Variants in ATP10B observed in about 807,000 individuals in gnomAD.
ATP10B encodes ATPase phospholipid transporting 10B (putative).
ATP10B carries 122 observed loss-of-function variants against 141.2 expected under a neutral mutation model. The observed-to-expected ratio is 0.86, with a 90% confidence interval of 0.75 to 1.00. ATP10B has a LOEUF of 1.00. Among genes scored for constraint, ATP10B ranks in the 50% least tolerant of loss-of-function variants. The pLI is 0.00. For synonymous variants in ATP10B, 685 were observed against 692.0 expected, an observed-to-expected ratio of 0.99 and a Z score of 0.16; for missense variants, 1,876 against 1,825.3, an observed-to-expected ratio of 1.03 and a Z score of -0.51.
intron 7 of ATP10B, among the ~76,000 whole-genome samples, chr5:160,656,419 G>A (rs1370748282): frequency 1.3e-5 from 2 of 152,160 alleles, no homozygotes; most frequent in Non-Finnish European, 2.9e-5. Context: ...CTGCTACCAA[G>A]CTGTTTCTGT....
chr5:160,589,653 G>A lies in ATP10B; in HGVS notation c.3689C>T (p.Pro1230Leu). ...TGTGGTGAGGGAGATGGTGTTGATTGGTGTCCCAAAGGTAAAGACATCTAT... is the reference window on the plus strand; with the variant it reads ...TGTGGTGAGGGAGATGGTGTTGATTAGTGTCCCAAAGGTAAAGACATCTAT... The part of the protein sequence containing the change: ...SDIDVFTFGT[P>L]INTISLTTIL... Residue 1230 changes from proline (P) to leucine (L), a missense_variant, in exon 24 of 26, where the codon CCA (proline) becomes CTA (leucine). Coordinates refer to ENST00000327245, the MANE Select transcript of ATP10B (RefSeq NM_025153.3). 1.9e-6 allele frequency: 3 copies of A among 1,614,104 alleles called. No individual in the cohort carries two copies. Among genetic ancestry groups the A allele is most frequent in the Non-Finnish European group, 2.5e-6 (3 of 1,179,984 alleles).
chr5:160,827,709 G>A (rs1158065233), intron 1 of ATP10B, among the ~76,000 whole-genome samples: 2 of 152,168 alleles, frequency 1.3e-5, no homozygotes, highest in African/African-American at 4.8e-5. Context: ...ATAGCTTGAG[G>A]TCTCAAATTT....
At chr5:160,623,943 G>A (rs182810514) in intron 13 of ATP10B, among the ~76,000 whole-genome samples, 144 of 152,328 alleles carry the variant, frequency 9.5e-4, no homozygotes, top group Admixed American at 3.9e-3. Flanking sequence ...CCATGAGGCT[G>A]TATTTCCTAG....
intron 2 of ATP10B, among the ~76,000 whole-genome samples, chr5:160,755,581 C>T (rs530360545): frequency 6.0e-5 from 9 of 150,054 alleles, no homozygotes; most frequent in South Asian, 2.1e-4. Context: ...TTTGGGAGGC[C>T]GAGGCGGGCG....
chr5:160,866,570 G>A, the ATP10B span, among the ~76,000 whole-genome samples: 1 of 152,262 alleles, frequency 6.6e-6, no homozygotes, highest in East Asian at 1.9e-4. Context: ...CTACTTGGGA[G>A]GCTGAGGCAG....
intron 1 of ATP10B, among the ~76,000 whole-genome samples, chr5:160,840,478 T>C (rs1002371434): frequency 1.3e-5 from 2 of 152,006 alleles, no homozygotes; most frequent in East Asian, 1.9e-4. Flanking sequence ...TTTAAATAAA[T>C]GATGTTGGGC....
At chr5:160,873,229 G>A in the ATP10B span, among the ~76,000 whole-genome samples, 1 of 151,330 alleles carries the variant, frequency 6.6e-6, no homozygotes, top group Admixed American at 6.6e-5. Context: ...TAGTAAATTA[G>A]AAACAGAGGA....
At chr5:160,725,724 C>A (rs969741383) in intron 2 of ATP10B, among the ~76,000 whole-genome samples, 1 of 152,146 alleles carries the variant, frequency 6.6e-6, no homozygotes, top group African/African-American at 2.4e-5. Flanking sequence ...GGATTACAGG[C>A]GTGAGCCACC....
intron 3 of ATP10B, among the ~76,000 whole-genome samples, chr5:160,707,244 C>T (rs1478450017): frequency 1.3e-5 from 2 of 152,210 alleles, no homozygotes; most frequent in African/African-American, 4.8e-5. Context: ...AGCCACCGTG[C>T]CCAGCCCTCT....
intron 23 of ATP10B, 78 bp downstream of exon 23, chr5:160,590,981 A>G: frequency 8.1e-7 from 1 of 1,227,426 alleles, no homozygotes; most frequent in Non-Finnish European, 1.2e-6. Flanking sequence ...GAAGGACACT[A>G]CTGGTCTGGA....
At chr5:160,660,190 T>A (rs1194409237) in intron 7 of ATP10B, among the ~76,000 whole-genome samples, 4 of 152,228 alleles carry the variant, frequency 2.6e-5, no homozygotes, top group African/African-American at 9.6e-5. Context: ...CTTAAAAGTG[T>A]CCTAGTTCTG....
chr5:160,678,256 T>C lies in ATP10B; in HGVS notation c.471-7589A>G, dbSNP rs1018632314. Among the ~76,000 whole-genome samples, 23 of 152,292 alleles carry C rather than the reference T, an allele frequency of 1.5e-4. 1 individual carries two copies. The highest frequency in any genetic ancestry group is 7.8e-4 in the Admixed American group (12 of 15,304). On this transcript the variant is annotated intron_variant, in intron 6 of 25. Coordinates refer to ENST00000327245, the MANE Select transcript of ATP10B (RefSeq NM_025153.3). Reference sequence around the variant, plus strand: ...TCCTTGGCTTTTCCCACTAAAACTATAGAACTAGCAATTCCACCCTTGTAT... The same window carrying C: ...TCCTTGGCTTTTCCCACTAAAACTACAGAACTAGCAATTCCACCCTTGTAT...
At chr5:160,862,553 C>A in the ATP10B span, among the ~76,000 whole-genome samples, 2 of 151,954 alleles carry the variant, frequency 1.3e-5, no homozygotes, top group South Asian at 2.1e-4. Flanking sequence ...CTTTGAGAAT[C>A]GCTGGTATAC....
intron 1 of ATP10B, among the ~76,000 whole-genome samples, chr5:160,841,231 A>G (rs1775788974): frequency 6.6e-6 from 1 of 152,230 alleles, no homozygotes; most frequent in African/African-American, 2.4e-5. Context: ...GCAGTTGTAA[A>G]CAAAGAATGA....
At chr5:160,861,508 G>A in the ATP10B span, among the ~76,000 whole-genome samples, 1 of 151,872 alleles carries the variant, frequency 6.6e-6, no homozygotes, top group Non-Finnish European at 1.5e-5. Flanking sequence ...AGTCACAAAA[G>A]GGGGTCACAA....
Position 160,649,245 on chromosome 5 carries a change from G to C in ATP10B, c.687C>G (p.Phe229Leu). ...TGGTATTGTGGAAAAGCTCTGGTTC[G>C]AACTGTACCTCCTGTGAGAGAGAGG... ...VKGFSQQEVQ[F>L]EPELFHNTIV... The change falls in exon 8 of 26, where the codon TTC becomes TTG. Residue 229 changes from phenylalanine to leucine, a missense_variant. Physicochemically the swap from Phe to Leu is conservative, Grantham distance 22. Coordinates refer to ENST00000327245, the MANE Select transcript of ATP10B (RefSeq NM_025153.3). The C allele has an allele frequency of 1.2e-6, 2 of 1,613,522 alleles. No homozygotes were observed. The highest frequency in any genetic ancestry group is 1.7e-6 in the Non-Finnish European group (2 of 1,179,518).
At chr5:160,877,079 C>CAAGA in the ATP10B span, among the ~76,000 whole-genome samples, 1 of 151,844 alleles carries the variant, frequency 6.6e-6, no homozygotes, top group African/African-American at 2.4e-5. Context: ...CAGAGACAAC[C>CAAGA]AAAAAAGAGA....
At chr5:160,802,093 C>T (rs575919635) in intron 1 of ATP10B, among the ~76,000 whole-genome samples, 12 of 152,204 alleles carry the variant, frequency 7.9e-5, no homozygotes, top group African/African-American at 2.4e-4. Flanking sequence ...GGGATTTCTG[C>T]GACAACTTTT....
At chr5:160,658,663 G>C (rs2127709391) in intron 7 of ATP10B, among the ~76,000 whole-genome samples, 1 of 152,150 alleles carries the variant, frequency 6.6e-6, no homozygotes, top group East Asian at 1.9e-4. Context: ...TTTCAATCTA[G>C]ACATCAGGGA....
Sources: gnomAD v4.1 joint callset for allele counts (sites outside exome capture counted in the v4.1 genomes callset) on GRCh38, gnomAD v4.1.1 for gene constraint, MANE v1.5 for transcripts, NCBI Gene and HGNC (gene_info 2026-07-23, HGNC 2026-07-21) for gene names.